Variants in GTF2E2 observed in about 807,000 individuals in gnomAD.
GTF2E2 encodes transcription initiation factor IIE subunit beta.
In GTF2E2, 21 loss-of-function variants were observed where a neutral mutation model predicts 40.5. That is an observed-to-expected ratio of 0.52 (90% CI 0.37 to 0.75). GTF2E2 has a LOEUF of 0.75. GTF2E2 is among the 30% of genes least tolerant of loss of function. GTF2E2 has a pLI of 0.00. For synonymous variants in GTF2E2, 117 were observed against 121.6 expected, an observed-to-expected ratio of 0.96 and a Z score of 0.25; for missense variants, 298 against 338.4, an observed-to-expected ratio of 0.88 and a Z score of 0.94.
intron 3 of GTF2E2, among the ~76,000 whole-genome samples, chr8:30,633,876 T>A (rs1282421858): frequency 6.6e-6 from 1 of 152,230 alleles, no homozygotes; most frequent in African/African-American, 2.4e-5. Context: ...ACTAACATAT[T>A]TATACTATAA....
At chr8:30,654,795 A>G (rs916226905) in intron 1 of GTF2E2, among the ~76,000 whole-genome samples, 1 of 152,216 alleles carries the variant, frequency 6.6e-6, no homozygotes, top group Non-Finnish European at 1.5e-5. Flanking sequence ...TGAGGACTAC[A>G]GGGCAGAAAT....
chr8:30,641,341 T>C (rs1422345783), intron 2 of GTF2E2, among the ~76,000 whole-genome samples: 1 of 152,090 alleles, frequency 6.6e-6, no homozygotes, highest in Non-Finnish European at 1.5e-5. Flanking sequence ...TTACCTATAG[T>C]TATTATTAAA....
At chr8:30,634,468 A>G (rs547396249) in intron 3 of GTF2E2, among the ~76,000 whole-genome samples, 3 of 152,134 alleles carry the variant, frequency 2.0e-5, no homozygotes, top group Non-Finnish European at 4.4e-5. Flanking sequence ...AAGGGAAAAA[A>G]AAAGATTCAA....
At chr8:30,646,458 C>G (rs1428376589) in intron 2 of GTF2E2, among the ~76,000 whole-genome samples, 1 of 151,416 alleles carries the variant, frequency 6.6e-6, no homozygotes, top group Non-Finnish European at 1.5e-5. Flanking sequence ...TATTTTGTGA[C>G]CCTAACACTA....
chr8:30,651,732 T>G (rs560153001), intron 2 of GTF2E2, among the ~76,000 whole-genome samples: 1 of 152,200 alleles, frequency 6.6e-6, no homozygotes, highest in East Asian at 1.9e-4. Flanking sequence ...TGTTGATAGA[T>G]TGACCCTAAA....
intron 5 of GTF2E2, among the ~76,000 whole-genome samples, chr8:30,608,565 T>A (rs896999846): frequency 1.3e-5 from 2 of 152,206 alleles, no homozygotes; most frequent in African/African-American, 4.8e-5. Context: ...AATAGTCCAC[T>A]AGATCAAGGT....
chr8:30,651,474 G>C (rs527285921), intron 2 of GTF2E2, among the ~76,000 whole-genome samples: 1 of 151,970 alleles, frequency 6.6e-6, no homozygotes, highest in South Asian at 2.1e-4. Context: ...TAAAATAACC[G>C]CTGGGTGTAA....
At chr8:30,650,991 G>C (rs997529958) in intron 2 of GTF2E2, among the ~76,000 whole-genome samples, 1 of 145,788 alleles carries the variant, frequency 6.9e-6, no homozygotes, top group Non-Finnish European at 1.5e-5. Flanking sequence ...TCCAGCCTGG[G>C]CAACAGAGCA....
At chr8:30,583,988 A>G (rs189539327) in intron 6 of GTF2E2, among the ~76,000 whole-genome samples, 1 of 147,922 alleles carries the variant, frequency 6.8e-6, no homozygotes, top group Middle Eastern at 3.2e-3. Flanking sequence ...TGTATTTTTT[A>G]GTAGAGACAG....
chr8:30,637,629 T>C (rs1801651648), intron 2 of GTF2E2, among the ~76,000 whole-genome samples: 1 of 152,164 alleles, frequency 6.6e-6, no homozygotes, highest in South Asian at 2.1e-4. Flanking sequence ...GTTCAAGCAA[T>C]TCTCCTGCCT....
intron 5 of GTF2E2, among the ~76,000 whole-genome samples, chr8:30,611,449 C>T (rs1211759996): frequency 6.6e-6 from 1 of 151,972 alleles, no homozygotes; most frequent in Non-Finnish European, 1.5e-5. Flanking sequence ...ACAAAAGATA[C>T]TTGTCACGAA....
intron 2 of GTF2E2, among the ~76,000 whole-genome samples, chr8:30,636,205 T>A (rs1181591527): frequency 6.6e-6 from 1 of 152,116 alleles, no homozygotes; most frequent in Non-Finnish European, 1.5e-5. Context: ...CAGTAAAAAA[T>A]CCATCATAAA....
intron 6 of GTF2E2, among the ~76,000 whole-genome samples, chr8:30,604,888 A>C (rs774256847): frequency 1.3e-5 from 2 of 152,240 alleles, no homozygotes; most frequent in Non-Finnish European, 2.9e-5. Flanking sequence ...GGTAATATTA[A>C]GGAAGTATAG....
chr8:30,629,109 T>C (rs1005560636), intron 3 of GTF2E2, among the ~76,000 whole-genome samples: 4 of 152,206 alleles, frequency 2.6e-5, no homozygotes, highest in South Asian at 4.1e-4. Context: ...TATATATTCA[T>C]ATCTTATATT....
chr8:30,654,745 T>C (rs979039210), intron 1 of GTF2E2, among the ~76,000 whole-genome samples: 1 of 151,998 alleles, frequency 6.6e-6, no homozygotes. Flanking sequence ...CACTTCCCAC[T>C]CCCATTATAT....
intron 6 of GTF2E2, among the ~76,000 whole-genome samples, chr8:30,593,781 C>T (rs900110586): frequency 6.6e-6 from 1 of 152,148 alleles, no homozygotes; most frequent in Middle Eastern, 3.4e-3. Flanking sequence ...CATGCCCGGC[C>T]CATGTCCTTC....
At chr8:30,620,801 T>C (rs1801073040) in intron 3 of GTF2E2, among the ~76,000 whole-genome samples, 2 of 151,298 alleles carry the variant, frequency 1.3e-5, no homozygotes, top group Non-Finnish European at 1.5e-5. Flanking sequence ...TGGTGGCACA[T>C]GCCTATAATT....
chr8:30,639,698 C>T (rs1018114846), intron 2 of GTF2E2, among the ~76,000 whole-genome samples: 12 of 151,932 alleles, frequency 7.9e-5, no homozygotes, highest in African/African-American at 2.7e-4. Context: ...TATACTATAT[C>T]GGACCTAAAG....
At chr8:30,580,623 G>C (rs1226860909) in intron 6 of GTF2E2, among the ~76,000 whole-genome samples, 1 of 152,122 alleles carries the variant, frequency 6.6e-6, no homozygotes, top group Non-Finnish European at 1.5e-5. Flanking sequence ...TGTTTCTTGA[G>C]GCCAGCAAAT....
Sources: allele counts gnomAD v4.1 joint callset (sites outside exome capture counted in the v4.1 genomes callset), GRCh38; gene constraint gnomAD v4.1.1; transcripts MANE v1.5; gene names NCBI Gene and HGNC (gene_info 2026-07-23, HGNC 2026-07-21).